Variants in MRAP2 observed in about 807,000 individuals in gnomAD.
MRAP2 encodes the protein melanocortin-2 receptor accessory protein 2.
In MRAP2, 20 loss-of-function variants were observed where a neutral mutation model predicts 17.4. The observed-to-expected ratio is 1.15, with a 90% CI of 0.81 to 1.67. The LOEUF (loss-of-function observed/expected upper bound fraction) is 1.67, where lower values mean the gene tolerates loss of function less well. MRAP2 is among the 40% of genes most tolerant of loss of function. The pLI, the probability that MRAP2 is intolerant of heterozygous loss-of-function variation, is 0.00. For missense variants in MRAP2, 238 were observed against 240.0 expected, an observed-to-expected ratio of 0.99 and a Z score of 0.05; for synonymous variants, 96 against 88.4, an observed-to-expected ratio of 1.09 and a Z score of -0.48.
At chr6:84,045,909 T>C (rs2099488904) in intron 1 of MRAP2, among the ~76,000 whole-genome samples, 1 of 152,240 alleles carries the variant, frequency 6.6e-6, no homozygotes, top group African/African-American at 2.4e-5. Flanking sequence ...ACTTGGTATT[T>C]CGTTAAGTTA....
chr6:84,120,752 A>G, the MRAP2 span, among the ~76,000 whole-genome samples: 1 of 152,224 alleles, frequency 6.6e-6, no homozygotes, highest in Non-Finnish European at 1.5e-5. Context: ...AAAGAACAAA[A>G]GAAAGGATGG....
At chr6:84,120,046 G>C in the MRAP2 span, among the ~76,000 whole-genome samples, 1 of 152,202 alleles carries the variant, frequency 6.6e-6, no homozygotes, top group Non-Finnish European at 1.5e-5. Context: ...ATGAAAGCCA[G>C]AGGTGTAGTG....
the MRAP2 span, among the ~76,000 whole-genome samples, chr6:84,141,762 G>T: frequency 6.6e-6 from 1 of 152,118 alleles, no homozygotes; most frequent in Non-Finnish European, 1.5e-5. Context: ...GGCTGGCTTT[G>T]CTGTACCTAC....
At chr6:84,103,501 G>C in the MRAP2 span, among the ~76,000 whole-genome samples, 1 of 152,170 alleles carries the variant, frequency 6.6e-6, no homozygotes, top group African/African-American at 2.4e-5. Flanking sequence ...ACATGAGATT[G>C]CAAAGGTATG....
chr6:84,087,030 A>T lies in MRAP2; in HGVS notation c.228-2061A>T, dbSNP rs115164101. Among the ~76,000 whole-genome samples, 907 of 152,242 alleles carry T rather than the reference A, an allele frequency of 6.0e-3. 5 individuals carry two copies. Among genetic ancestry groups the T allele is most frequent in the African/African-American group, 0.021 (869 of 41,540 alleles). On this transcript the variant is annotated intron_variant, in intron 3 of 3. Coordinates refer to ENST00000257776, the MANE Select transcript of MRAP2 (RefSeq NM_138409.4). ...AGCAATCTTAATTATGCTTTCTCCA[A>T]ATGCTTTGTGAACCCCCAAAATCCG...
chr6:84,130,414 A>G, the MRAP2 span, among the ~76,000 whole-genome samples: 6 of 152,234 alleles, frequency 3.9e-5, no homozygotes, highest in East Asian at 9.7e-4. Flanking sequence ...ATTGTGTGGA[A>G]TAGTTTCAGA....
At chr6:84,035,754 T>C (rs926292595) in intron 1 of MRAP2, among the ~76,000 whole-genome samples, 1 of 152,170 alleles carries the variant, frequency 6.6e-6, no homozygotes, top group African/African-American at 2.4e-5. Flanking sequence ...ACCTTGCAGA[T>C]TATGTCATCA....
chr6:84,104,785 A>G, the MRAP2 span, among the ~76,000 whole-genome samples: 38,224 of 152,002 alleles, frequency 0.25, 10,756 homozygotes, highest in African/African-American at 0.7. Flanking sequence ...GGAGAATGGC[A>G]TGAACCCAGG....
At chr6:84,091,345 C>T (rs2099501757), downstream of MRAP2, among the ~76,000 whole-genome samples, 1 of 150,320 alleles carries the variant, frequency 6.7e-6, no homozygotes, top group South Asian at 2.1e-4. Context: ...TCTCCTGCCT[C>T]AGCTTCCCAA....
At chr6:84,140,319 A>G in the MRAP2 span, among the ~76,000 whole-genome samples, 1 of 152,150 alleles carries the variant, frequency 6.6e-6, no homozygotes, top group East Asian at 1.9e-4. Flanking sequence ...GGTGTCACAG[A>G]TTAGCAGGTC....
intron 3 of MRAP2, among the ~76,000 whole-genome samples, chr6:84,064,637 A>G (rs145916896): frequency 0.046 from 6,968 of 152,126 alleles, 438 homozygotes; most frequent in African/African-American, 0.14. Context: ...ACAGGCACCC[A>G]CCACCACGCC....
chr6:84,046,424 G>A (rs2099489062), intron 1 of MRAP2, among the ~76,000 whole-genome samples: 1 of 152,078 alleles, frequency 6.6e-6, no homozygotes, highest in African/African-American at 2.4e-5. Flanking sequence ...ATGATAATTT[G>A]TAGTGCACTT....
chr6:84,034,400 T>C (rs1377031195), intron 1 of MRAP2, among the ~76,000 whole-genome samples: 2 of 152,098 alleles, frequency 1.3e-5, no homozygotes, highest in African/African-American at 4.8e-5. Flanking sequence ...ATTCATTTTG[T>C]TTGGACTGGG....
chr6:84,114,697 C>T, the MRAP2 span, among the ~76,000 whole-genome samples: 17 of 152,254 alleles, frequency 1.1e-4, no homozygotes, highest in South Asian at 4.1e-4. Flanking sequence ...TGATTTCTCC[C>T]CATCTTTGTG....
chr6:84,091,783 C>G (rs2099501824), downstream of MRAP2, among the ~76,000 whole-genome samples: 1 of 152,120 alleles, frequency 6.6e-6, no homozygotes, highest in Admixed American at 6.5e-5. Context: ...TTGCCATAGT[C>G]TCATGGATGC....
chr6:84,040,694 C>T (rs772201919), intron 1 of MRAP2, among the ~76,000 whole-genome samples: 4 of 152,292 alleles, frequency 2.6e-5, no homozygotes, highest in African/African-American at 9.6e-5. Flanking sequence ...GCAAAGGTGA[C>T]TCTTGCTATG....
intron 3 of MRAP2, among the ~76,000 whole-genome samples, chr6:84,075,194 G>A (rs962995712): frequency 1.3e-5 from 2 of 152,116 alleles, no homozygotes; most frequent in African/African-American, 4.8e-5. Flanking sequence ...CCATTCTTCA[G>A]CCGGAAGCAG....
At chr6:84,033,601 GA>G (rs1478848691), upstream of MRAP2, 2 of 849,556 alleles carry the variant, frequency 2.4e-6, no homozygotes, top group African/African-American at 3.7e-5. Context: ...AAGTGAGCAG[GA>G]AAGGGATCTG....
the MRAP2 span, among the ~76,000 whole-genome samples, chr6:84,115,690 A>G: frequency 6.6e-6 from 1 of 151,962 alleles, no homozygotes. Context: ...TGTGCTGGAA[A>G]CCCAGGGCCC....
Sources: allele counts gnomAD v4.1 joint callset (sites outside exome capture counted in the v4.1 genomes callset), GRCh38; gene constraint gnomAD v4.1.1; transcripts MANE v1.5; gene names NCBI Gene and HGNC (gene_info 2026-07-23, HGNC 2026-07-21).